The following LIPA variants were observed in gnomAD, a reference collection of about 807,000 sequenced individuals.
LIPA encodes lipase A, lysosomal acid type.
LIPA carries 26 observed loss-of-function variants against 40.6 expected under a neutral mutation model. That is an observed-to-expected ratio of 0.64 (90% CI 0.47 to 0.89). LIPA has a LOEUF of 0.89. Among genes scored for constraint, LIPA ranks in the 40% least tolerant of loss-of-function variants. The pLI is 0.00. For missense variants in LIPA, 455 were observed against 479.6 expected, an observed-to-expected ratio of 0.95 and a Z score of 0.48; for synonymous variants, 188 against 168.4, an observed-to-expected ratio of 1.12 and a Z score of -0.90.
intron 3 of LIPA, among the ~76,000 whole-genome samples, chr10:89,245,312 A>ATGTC (rs576330201): frequency 4.7e-4 from 71 of 152,328 alleles, no homozygotes; most frequent in African/African-American, 1.6e-3. Context: ...ATTTCACTGT[A>ATGTC]TGTCTTCTAA....
intron 1 of LIPA, among the ~76,000 whole-genome samples, chr10:89,262,101 A>G: frequency 6.6e-6 from 1 of 152,196 alleles, no homozygotes; most frequent in Non-Finnish European, 1.5e-5. Context: ...AAGATGAGAT[A>G]ATAGAAAACA....
intron 1 of LIPA, among the ~76,000 whole-genome samples, chr10:89,316,133 A>G (rs566559079): frequency 6.6e-6 from 1 of 152,178 alleles, no homozygotes; most frequent in Non-Finnish European, 1.5e-5. Context: ...GAACAGCTCC[A>G]GTCTATAGCT....
At chr10:89,311,955 CAGAATG>C (rs1843518936) in intron 1 of LIPA, among the ~76,000 whole-genome samples, 3 of 152,158 alleles carry the variant, frequency 2.0e-5, no homozygotes, top group African/African-American at 7.2e-5. Context: ...TCTCCACACC[CAGAATG>C]CTAGTTTTCT....
chr10:89,217,863 C>T (rs2133416943), intron 8 of LIPA, among the ~76,000 whole-genome samples: 1 of 152,250 alleles, frequency 6.6e-6, no homozygotes, highest in South Asian at 2.1e-4. Context: ...TTACCGGGCG[C>T]CACCTTGTGG....
At chr10:89,387,177 G>A (rs561781657) in intron 2 of LIPA, among the ~76,000 whole-genome samples, 5 of 151,948 alleles carry the variant, frequency 3.3e-5, no homozygotes, top group South Asian at 2.1e-4. Context: ...TTAGCCGGGC[G>A]TGGTGGCGGG....
At chr10:89,332,507 C>A in intron 1 of LIPA, 1 of 1,595,634 alleles carries the variant, frequency 6.3e-7, no homozygotes. Flanking sequence ...TTCATAAAAG[C>A]ACAGACCTAA....
chr10:89,361,037 C>T (rs1564799597), intron 2 of LIPA, among the ~76,000 whole-genome samples: 1 of 152,140 alleles, frequency 6.6e-6, no homozygotes, highest in African/African-American at 2.4e-5. Flanking sequence ...CTTATGAGGA[C>T]ATCAGTCACA....
At chr10:89,309,063 CAA>C (rs1361348389) in intron 1 of LIPA, 1 of 152,172 alleles carries the variant, frequency 6.6e-6, no homozygotes, top group African/African-American at 2.4e-5. Flanking sequence ...CTGAACAGAA[CAA>C]AACTTTTTCC....
At chr10:89,368,166 T>C (rs1844072300) in intron 2 of LIPA, among the ~76,000 whole-genome samples, 1 of 152,214 alleles carries the variant, frequency 6.6e-6, no homozygotes, top group African/African-American at 2.4e-5. Context: ...GAGTGCTTTC[T>C]ATGGGGCACA....
chr10:89,227,611 T>G (rs927550666), intron 4 of LIPA, among the ~76,000 whole-genome samples: 4 of 152,244 alleles, frequency 2.6e-5, no homozygotes, highest in Admixed American at 2.0e-4. Flanking sequence ...TATGGGTATA[T>G]GCATGCGCAT....
At position 89,412,154 on chromosome 10, in the gene LIPA, G is replaced by A. The variant is rs190373267; in HGVS notation, c.61+637C>T. 6.6e-4 allele frequency among the ~76,000 whole-genome samples: 101 copies of A among 152,300 alleles called. 1 individual carries two copies. The highest frequency in any genetic ancestry group is 1.1e-3 in the Non-Finnish European group (73 of 68,032). ...GCCCCTATCCAGCAGAAAGTAGCTA[G>A]AGCAGTCATCAGCCAAATTCCCATC... On this transcript the variant is annotated intron_variant, in intron 2 of 8. Coordinates refer to the LIPA transcript ENST00000371837.
At chr10:89,239,813 G>T (rs1263721121) in intron 3 of LIPA, among the ~76,000 whole-genome samples, 1 of 152,178 alleles carries the variant, frequency 6.6e-6, no homozygotes, top group East Asian at 1.9e-4. Flanking sequence ...GAGGCTTAGA[G>T]AGACTAAATC....
chr10:89,306,748 C>A (rs780155307), intron 1 of LIPA: 5 of 1,614,090 alleles, frequency 3.1e-6, no homozygotes, highest in East Asian at 4.5e-5. Flanking sequence ...ATGAGCCAGA[C>A]AAAGCGATTG....
chr10:89,239,374 T>C (rs753133290), intron 3 of LIPA, among the ~76,000 whole-genome samples: 8 of 152,226 alleles, frequency 5.3e-5, no homozygotes, highest in Non-Finnish European at 1.2e-4. Flanking sequence ...TTTCCTCATC[T>C]GTAAAACAGG....
chr10:89,378,261 G>T, intron 2 of LIPA: 1 of 927,780 alleles, frequency 1.1e-6, no homozygotes, highest in South Asian at 1.4e-5. Flanking sequence ...TGGTGGTTCT[G>T]ACCCTGATAG....
intron 2 of LIPA, among the ~76,000 whole-genome samples, chr10:89,380,725 G>A (rs570795580): frequency 6.6e-6 from 1 of 152,264 alleles, no homozygotes; most frequent in Middle Eastern, 3.4e-3. Flanking sequence ...TAGCCACCAC[G>A]CTGGGGCCTA....
At chr10:89,332,678 T>C in intron 1 of LIPA, 1 of 1,560,386 alleles carries the variant, frequency 6.4e-7, no homozygotes, top group Middle Eastern at 1.7e-4. Context: ...TATGTACAAC[T>C]TCCTGACTTA....
chr10:89,258,524 T>G (rs1843192200), intron 1 of LIPA, among the ~76,000 whole-genome samples: 1 of 152,166 alleles, frequency 6.6e-6, no homozygotes, highest in Non-Finnish European at 1.5e-5. Flanking sequence ...CTAGGATAGC[T>G]ATAATAAAAA....
intron 1 of LIPA, among the ~76,000 whole-genome samples, chr10:89,321,236 A>G (rs1362980685): frequency 6.6e-6 from 1 of 152,080 alleles, no homozygotes; most frequent in Non-Finnish European, 1.5e-5. Context: ...ATTAAACTAA[A>G]GAGCTTCTGC....
Sources: gnomAD v4.1 joint callset for allele counts (sites outside exome capture counted in the v4.1 genomes callset) on GRCh38, gnomAD v4.1.1 for gene constraint, MANE v1.5 for transcripts, NCBI Gene and HGNC (gene_info 2026-07-23, HGNC 2026-07-21) for gene names.